COMMD6: variants seen among roughly 807,000 people sequenced by gnomAD.
COMMD6 encodes COMM domain containing 6.
COMMD6 carries 11 observed loss-of-function variants against 13.4 expected under a neutral mutation model. The observed-to-expected ratio is 0.82, with a 90% CI of 0.52 to 1.36. The LOEUF is 1.36. Among genes scored for constraint, COMMD6 ranks in the 40% most tolerant of loss-of-function variants. The pLI is 0.00. For synonymous variants in COMMD6, 43 were observed against 36.5 expected (o/e 1.18, Z -0.64); for missense variants, 124 against 102.4 (o/e 1.21, Z -0.91).
intron 3 of COMMD6, among the ~76,000 whole-genome samples, chr13:75,526,895 C>T (rs2030282905): frequency 1.3e-5 from 2 of 152,224 alleles, no homozygotes; most frequent in East Asian, 1.9e-4. Flanking sequence ...TTTAAGATCA[C>T]ACCAGATTTA....
chr13:75,527,784 T>C (rs1291256135), intron 3 of COMMD6: 16 of 1,456,734 alleles, frequency 1.1e-5, no homozygotes, highest in South Asian at 3.2e-5. Flanking sequence ...ATCTCACTTA[T>C]ATGTGGAATC....
chr13:75,537,533 A>G, intron 2 of COMMD6, 131 bp downstream of exon 2: 1 of 1,588,184 alleles, frequency 6.3e-7, no homozygotes, highest in Non-Finnish European at 8.6e-7. Context: ...GCAATGCAAG[A>G]GGGACGGCTG....
rs2030200041 is a variant in COMMD6 at position 75,525,249 on chromosome 13, CCA to C, written c.*1338_*1339del. ...TTTAAATTTATTTCAAATCTGCTAC[CCA>C]CAGTGTTTGAGCCAGGGCCTAACTT... On this transcript the variant is annotated 3_prime_UTR_variant, in exon 4 of 4. Transcript: ENST00000682242. The C allele has an allele frequency of 6.6e-6, 1 of 152,052 alleles. No homozygotes were observed. The highest frequency in any genetic ancestry group is 6.5e-5 in the Admixed American group (1 of 15,268). 9.4% of individuals were successfully genotyped at this position (152,052 alleles called of 1,614,324 possible).
At chr13:75,538,002 A>G (rs2030745792), upstream of COMMD6, 1 of 479,428 alleles carries the variant, frequency 2.1e-6, no homozygotes, top group Non-Finnish European at 3.6e-6. Flanking sequence ...AAAGAAAATT[A>G]TTTTATGGAA....
chr13:75,548,734 G>C (rs1360555975), intron 1 of COMMD6, among the ~76,000 whole-genome samples: 3 of 152,174 alleles, frequency 2.0e-5, no homozygotes, highest in Non-Finnish European at 2.9e-5. Flanking sequence ...CACTGGGTTA[G>C]GCCCTGGATA....
upstream of COMMD6, among the ~76,000 whole-genome samples, chr13:75,541,784 C>T (rs1194723933): frequency 6.6e-6 from 1 of 152,118 alleles, no homozygotes; most frequent in Non-Finnish European, 1.5e-5. Flanking sequence ...TATTACAATA[C>T]ACTATCCTGT....
At chr13:75,533,255 G>C (rs773244588) in intron 2 of COMMD6, among the ~76,000 whole-genome samples, 8 of 151,392 alleles carry the variant, frequency 5.3e-5, no homozygotes, top group Non-Finnish European at 8.8e-5. Context: ...TAGAGAGAAT[G>C]ATATCAAAAT....
upstream of COMMD6, among the ~76,000 whole-genome samples, chr13:75,540,482 CTGTT>C (rs1471582175): frequency 2.0e-5 from 3 of 152,114 alleles, no homozygotes; most frequent in Admixed American, 1.3e-4. Flanking sequence ...TCTTTAAAAA[CTGTT>C]TATTATTGTT....
intron 2 of COMMD6, chr13:75,530,540 G>T: frequency 4.4e-6 from 1 of 229,054 alleles, no homozygotes; most frequent in Admixed American, 5.5e-5. Flanking sequence ...ATGTATAACG[G>T]AAGTGGAAGG....
chr13:75,530,495 A>C (rs1439781040), intron 2 of COMMD6: 5 of 327,522 alleles, frequency 1.5e-5, no homozygotes, highest in Non-Finnish European at 2.2e-5. Flanking sequence ...TAAAATGGAA[A>C]AAACAAAAAG....
At chr13:75,546,139 A>G (rs1006671539) in intron 1 of COMMD6, among the ~76,000 whole-genome samples, 5 of 152,214 alleles carry the variant, frequency 3.3e-5, no homozygotes, top group Admixed American at 3.3e-4. Context: ...CCAAAAATTG[A>G]AAAATAAAAT....
At chr13:75,538,174 G>A (rs115470557), upstream of COMMD6, among the ~76,000 whole-genome samples, 2,212 of 152,286 alleles carry the variant, frequency 0.015, 54 homozygotes, top group African/African-American at 0.049. Context: ...AAATTCGGAA[G>A]GCGCTGGGCG....
At chr13:75,535,274 G>A (rs950654502) in intron 2 of COMMD6, among the ~76,000 whole-genome samples, 1 of 152,196 alleles carries the variant, frequency 6.6e-6, no homozygotes, top group Non-Finnish European at 1.5e-5. Flanking sequence ...ATCCATCTTC[G>A]AAGGGCCCTG....
chr13:75,533,056 G>A (rs775554668), intron 2 of COMMD6, among the ~76,000 whole-genome samples: 1 of 149,890 alleles, frequency 6.7e-6, no homozygotes, highest in Non-Finnish European at 1.5e-5. Context: ...TCAGCCACCC[G>A]AGTAGCTGGG....
intron 2 of COMMD6, among the ~76,000 whole-genome samples, chr13:75,531,769 G>A (rs1429989428): frequency 2.0e-5 from 3 of 152,210 alleles, no homozygotes; most frequent in Non-Finnish European, 2.9e-5. Flanking sequence ...TGGTGAAAGT[G>A]TAAACTGGGC....
intron 2 of COMMD6, among the ~76,000 whole-genome samples, chr13:75,536,229 A>G (rs1332135148): frequency 6.6e-6 from 1 of 152,200 alleles, no homozygotes; most frequent in East Asian, 1.9e-4. Context: ...CCAACTCTTT[A>G]TGTCTGAACT....
At chr13:75,537,634 G>A (rs1566200237) in intron 2 of COMMD6, 30 bp downstream of exon 2, 1 of 1,613,718 alleles carries the variant, frequency 6.2e-7, no homozygotes, top group South Asian at 1.1e-5. Flanking sequence ...CAGGCTGGCG[G>A]AGGACAGGGC....
At chr13:75,537,515 GAGA>G (rs994802540) in intron 2 of COMMD6, 146 bp downstream of exon 2, 7 of 1,569,044 alleles carry the variant, frequency 4.5e-6, no homozygotes, top group African/African-American at 4.1e-5. Flanking sequence ...AGGTGCAAAA[GAGA>G]AGGAGCAATG....
upstream of COMMD6, among the ~76,000 whole-genome samples, chr13:75,539,312 C>T (rs2030783230): frequency 6.6e-6 from 1 of 151,950 alleles, no homozygotes; most frequent in African/African-American, 2.4e-5. Context: ...AATCTAAGCT[C>T]ATTGCAACCT....
Sources: gnomAD v4.1 joint callset for allele counts (sites outside exome capture counted in the v4.1 genomes callset) on GRCh38, gnomAD v4.1.1 for gene constraint, MANE v1.5 for transcripts, NCBI Gene and HGNC (gene_info 2026-07-23, HGNC 2026-07-21) for gene names.